GALNT13: variants seen among roughly 807,000 people sequenced by gnomAD.
The protein encoded by GALNT13 is polypeptide N-acetylgalactosaminyltransferase 13, also known as UDP-GalNAc:polypeptide N-acetylgalactosaminyltransferase 13.
A neutral mutation model predicts 64.2 loss-of-function variants in GALNT13; 28 were observed. The observed-to-expected ratio is 0.44, with a 90% CI of 0.32 to 0.60. The LOEUF (loss-of-function observed/expected upper bound fraction) is 0.60, where lower values mean the gene tolerates loss of function less well. GALNT13 is among the 20% of genes least tolerant of loss of function. The pLI is 0.05. For synonymous variants in GALNT13, 214 were observed against 224.6 expected, an observed-to-expected ratio of 0.95 and a Z score of 0.42; for missense variants, 577 against 669.8, an observed-to-expected ratio of 0.86 and a Z score of 1.53.
the GALNT13 span, among the ~76,000 whole-genome samples, chr2:153,327,982 GA>G: frequency 1.3e-5 from 2 of 152,132 alleles, no homozygotes; most frequent in African/African-American, 2.4e-5. Context: ...GTTTTTGTGT[GA>G]GGGTCCTTTT....
intron 4 of GALNT13, among the ~76,000 whole-genome samples, chr2:154,225,164 A>AGATAGATAGATAGAT (rs1688544953): frequency 1.0e-5 from 1 of 95,740 alleles, no homozygotes; most frequent in East Asian, 2.7e-4. Context: ...GATAGATGAT[A>AGATAGATAGATAGAT]GATAGATAGA....
chr2:153,633,393 CCATT>C, the GALNT13 span, among the ~76,000 whole-genome samples: 1 of 152,086 alleles, frequency 6.6e-6, no homozygotes, highest in East Asian at 1.9e-4. Flanking sequence ...CATTTTTTTC[CCATT>C]CAGTTTACTC....
the GALNT13 span, among the ~76,000 whole-genome samples, chr2:153,788,276 G>A: frequency 2.0e-5 from 3 of 152,124 alleles, no homozygotes; most frequent in African/African-American, 7.2e-5. Flanking sequence ...CGAAGAGATT[G>A]CAGGCCTATA....
chr2:153,689,224 G>A, the GALNT13 span, among the ~76,000 whole-genome samples: 1 of 151,854 alleles, frequency 6.6e-6, no homozygotes, highest in Admixed American at 6.6e-5. Flanking sequence ...CCAAAACTTT[G>A]TATTCCCATT....
At chr2:153,496,564 A>G in the GALNT13 span, among the ~76,000 whole-genome samples, 62 of 152,362 alleles carry the variant, frequency 4.1e-4, no homozygotes, top group African/African-American at 1.4e-3. Flanking sequence ...ATAAGATCAC[A>G]GATTTTTTTC....
the GALNT13 span, among the ~76,000 whole-genome samples, chr2:153,726,067 G>GT: frequency 6.6e-6 from 1 of 152,028 alleles, no homozygotes; most frequent in Non-Finnish European, 1.5e-5. Flanking sequence ...TAATCTTAAA[G>GT]TAGAGACTTC....
chr2:153,648,749 T>C, the GALNT13 span, among the ~76,000 whole-genome samples: 1 of 141,844 alleles, frequency 7.1e-6, no homozygotes, highest in Non-Finnish European at 1.5e-5. Context: ...TTTGGTTCTG[T>C]TTATATGCTG....
intron 11 of GALNT13, among the ~76,000 whole-genome samples, chr2:154,414,811 T>C (rs755745353): frequency 2.6e-5 from 4 of 151,946 alleles, no homozygotes; most frequent in Non-Finnish European, 5.9e-5. Flanking sequence ...TACAGACTTT[T>C]CAAGTTTATA....
At chr2:153,843,737 G>A in the GALNT13 span, among the ~76,000 whole-genome samples, 1 of 152,184 alleles carries the variant, frequency 6.6e-6, no homozygotes, top group South Asian at 2.1e-4. Context: ...ACACAATGTG[G>A]TATAGGCATT....
At chr2:154,230,038 A>ATGATGTCAGCATCACCATTG (rs1688833669) in intron 4 of GALNT13, among the ~76,000 whole-genome samples, 1 of 152,110 alleles carries the variant, frequency 6.6e-6, no homozygotes, top group Non-Finnish European at 1.5e-5. Flanking sequence ...TTGTTGATTC[A>ATGATGTCAGCATCACCATTG]TGATGTCAGC....
At chr2:154,392,611 G>GT (rs1698849006) in intron 9 of GALNT13, among the ~76,000 whole-genome samples, 1 of 152,196 alleles carries the variant, frequency 6.6e-6, no homozygotes, top group Non-Finnish European at 1.5e-5. Context: ...TGGTTTCAAA[G>GT]TGAGTATAAA....
At chr2:153,462,315 T>C in the GALNT13 span, among the ~76,000 whole-genome samples, 9 of 152,270 alleles carry the variant, frequency 5.9e-5, no homozygotes, top group South Asian at 1.9e-3. Flanking sequence ...TCATATTTTC[T>C]GCATTTAAAT....
At chr2:153,082,912 T>A in the GALNT13 span, among the ~76,000 whole-genome samples, 1 of 151,528 alleles carries the variant, frequency 6.6e-6, no homozygotes, top group African/African-American at 2.4e-5. Flanking sequence ...CACTGCAACC[T>A]CCGCCTCGCA....
intron 3 of GALNT13, among the ~76,000 whole-genome samples, chr2:153,964,783 A>G (rs1693213384): frequency 6.6e-6 from 1 of 152,006 alleles, no homozygotes; most frequent in South Asian, 2.1e-4. Flanking sequence ...TTTGAATTCC[A>G]CCTAGATGTT....
At chr2:154,177,276 A>G (rs1685703921) in intron 4 of GALNT13, among the ~76,000 whole-genome samples, 1 of 151,998 alleles carries the variant, frequency 6.6e-6, no homozygotes, top group Non-Finnish European at 1.5e-5. Context: ...TAAAATGCAT[A>G]TTGCTAAATT....
chr2:154,072,494 A>G (rs1700784480), intron 3 of GALNT13, among the ~76,000 whole-genome samples: 1 of 152,062 alleles, frequency 6.6e-6, no homozygotes, highest in Non-Finnish European at 1.5e-5. Flanking sequence ...ATTATAGTGT[A>G]TATAAGATTT....
intron 4 of GALNT13, 60 bp downstream of exon 4, chr2:154,140,565 A>C: frequency 5.0e-5 from 61 of 1,212,598 alleles, no homozygotes; most frequent in Non-Finnish European, 6.6e-5. Flanking sequence ...TCAGAATCTC[A>C]GAACTTGAGC....
the GALNT13 span, among the ~76,000 whole-genome samples, chr2:153,474,315 C>A: frequency 2.0e-5 from 3 of 152,170 alleles, no homozygotes; most frequent in Non-Finnish European, 4.4e-5. Flanking sequence ...GCTTAGTGAC[C>A]AGAACCAAAA....
chr2:154,278,675 C>T (rs975842593), intron 8 of GALNT13, among the ~76,000 whole-genome samples: 6 of 152,058 alleles, frequency 3.9e-5, no homozygotes, highest in Non-Finnish European at 4.4e-5. Context: ...TCAACAGTGT[C>T]AAATGCTACA....
Sources: allele counts gnomAD v4.1 joint callset (sites outside exome capture counted in the v4.1 genomes callset), GRCh38; gene constraint gnomAD v4.1.1; transcripts MANE v1.5; gene names NCBI Gene and HGNC (gene_info 2026-07-23, HGNC 2026-07-21).